The following ARHGAP10 variants were observed in gnomAD, a reference collection of about 807,000 sequenced individuals.
ARHGAP10 encodes the protein rho GTPase-activating protein 10.
ARHGAP10 carries 87 observed loss-of-function variants against 108.6 expected under a neutral mutation model. The observed-to-expected ratio is 0.80, with a 90% confidence interval of 0.67 to 0.96. The LOEUF is 0.96. Ranked by LOEUF, ARHGAP10 falls within the 40% of genes least tolerant of loss-of-function variation. The pLI, the probability that ARHGAP10 is intolerant of heterozygous loss-of-function variation, is 0.00. For missense variants in ARHGAP10, 939 were observed against 954.5 expected (o/e 0.98, Z 0.21); for synonymous variants, 347 against 341.1 (o/e 1.02, Z -0.19).
intron 17 of ARHGAP10, among the ~76,000 whole-genome samples, chr4:147,966,081 T>C (rs1488770165): frequency 1.3e-5 from 2 of 152,244 alleles, no homozygotes; most frequent in African/African-American, 4.8e-5. Flanking sequence ...AGAGTGATTG[T>C]GGGTGCTCTG....
chr4:147,776,933 G>A (rs1446578739), intron 1 of ARHGAP10, among the ~76,000 whole-genome samples: 3 of 152,190 alleles, frequency 2.0e-5, no homozygotes, highest in Non-Finnish European at 2.9e-5. Flanking sequence ...TCTGTCCTAC[G>A]AGAGAGCGTG....
At chr4:147,880,372 A>G (rs58929565) in intron 9 of ARHGAP10, among the ~76,000 whole-genome samples, 4,062 of 152,336 alleles carry the variant, frequency 0.027, 187 homozygotes, top group African/African-American at 0.093. Context: ...ACATTTATAT[A>G]ATAATGAAAC....
At chr4:147,828,641 A>G (rs983488795) in intron 3 of ARHGAP10, among the ~76,000 whole-genome samples, 1 of 152,188 alleles carries the variant, frequency 6.6e-6, no homozygotes, top group Admixed American at 6.5e-5. Flanking sequence ...AGCCTTAGCT[A>G]TGTCTGGTTT....
intron 1 of ARHGAP10, among the ~76,000 whole-genome samples, chr4:147,774,374 G>C (rs72953502): frequency 0.024 from 3,683 of 152,272 alleles, 153 homozygotes; most frequent in African/African-American, 0.084. Flanking sequence ...ATTTCTGCAG[G>C]TATCCAATGT....
intron 10 of ARHGAP10, among the ~76,000 whole-genome samples, chr4:147,890,022 A>T (rs181577042): frequency 4.5e-4 from 68 of 152,340 alleles, no homozygotes; most frequent in African/African-American, 1.5e-3. Flanking sequence ...GACAGCATAT[A>T]GCACTGTTCC....
chr4:147,742,476 C>CTTTTTTTTTTTTTT (rs11420720), intron 1 of ARHGAP10, among the ~76,000 whole-genome samples: 3 of 86,494 alleles, frequency 3.5e-5, no homozygotes, highest in East Asian at 3.9e-4. Context: ...TCTGTGAACA[C>CTTTTTTTTTTTTTT]TTTTTTTTTT....
chr4:147,959,960 T>TC, intron 16 of ARHGAP10, among the ~76,000 whole-genome samples: 1 of 152,304 alleles, frequency 6.6e-6, no homozygotes, highest in East Asian at 1.9e-4. Context: ...TGCAAAGTTT[T>TC]CCAGACTTTT....
At chr4:148,013,055 A>G (rs989454309) in intron 18 of ARHGAP10, among the ~76,000 whole-genome samples, 3 of 152,114 alleles carry the variant, frequency 2.0e-5, no homozygotes, top group East Asian at 1.9e-4. Flanking sequence ...ATGTTTATCA[A>G]TTAAAGCAAA....
At chr4:147,763,489 T>C (rs1242942966) in intron 1 of ARHGAP10, among the ~76,000 whole-genome samples, 1 of 151,924 alleles carries the variant, frequency 6.6e-6, no homozygotes, top group Non-Finnish European at 1.5e-5. Flanking sequence ...TTTTTGTGTT[T>C]TTAGTAGAGA....
At chr4:147,811,079 G>T (rs1731997497) in intron 1 of ARHGAP10, among the ~76,000 whole-genome samples, 1 of 152,142 alleles carries the variant, frequency 6.6e-6, no homozygotes, top group African/African-American at 2.4e-5. Flanking sequence ...GTGGCCCTTA[G>T]ATCAAGCCTG....
At chr4:148,044,018 A>G (rs1428602595) in intron 19 of ARHGAP10, among the ~76,000 whole-genome samples, 2 of 151,982 alleles carry the variant, frequency 1.3e-5, no homozygotes, top group Non-Finnish European at 2.9e-5. Flanking sequence ...AAGGAACTCT[A>G]TACACTTGGA....
Position 147,733,455 on chromosome 4 carries a change from G to A in ARHGAP10, c.154+1000G>A, listed in dbSNP as rs189942485. ...AAAGACCTGTCCATACAGCAGACAG[G>A]GACTTGGGCAGTATCCAGCCTTGAG... On this transcript the variant is annotated intron_variant, in intron 1 of 22. Coordinates refer to ENST00000336498, the MANE Select transcript of ARHGAP10 (RefSeq NM_024605.4). Among the ~76,000 whole-genome samples, 255 of 152,198 alleles carry A rather than the reference G, an allele frequency of 1.7e-3. 1 individual carries two copies. The highest frequency in any genetic ancestry group is 3.1e-3 in the Non-Finnish European group (209 of 68,010).
intron 19 of ARHGAP10, among the ~76,000 whole-genome samples, chr4:148,037,556 C>A (rs1023160794): frequency 1.3e-5 from 2 of 152,040 alleles, no homozygotes; most frequent in Admixed American, 1.3e-4. Context: ...GGATGTTGGC[C>A]GGGCACGGTG....
chr4:147,755,832 A>ACACAGT lies in ARHGAP10; in HGVS notation c.154+23377_154+23378insCACAGT, dbSNP rs1729346371. On this transcript the variant is annotated intron_variant, in intron 1 of 22. Coordinates refer to ENST00000336498, the MANE Select transcript of ARHGAP10 (RefSeq NM_024605.4). ...GTGTGTGTGTAGTGCATTATGAGTC[A>ACACAGT]GCCTCTGTGGCTGTTTGCTGTGTAT... Among the ~76,000 whole-genome samples the ACACAGT allele has an allele frequency of 3.3e-5, 5 of 152,150 alleles. No homozygotes were observed. In the East Asian group the frequency reaches 9.7e-4, roughly 29 times the overall value.
chr4:147,759,507 G>C (rs1376504056), intron 1 of ARHGAP10, among the ~76,000 whole-genome samples: 1 of 151,838 alleles, frequency 6.6e-6, no homozygotes, highest in Non-Finnish European at 1.5e-5. Context: ...GCAGGAGTTC[G>C]AGGCTGTAGT....
rs1298836299 is a variant in ARHGAP10 at position 147,959,809 on chromosome 4, A to G, written c.1450+4435A>G. ...AATTCCACTATTTTAAGAAATGAAG[A>G]ATGTAATTCATAGAGTGTGGGAAAC... On this transcript the variant is annotated intron_variant, in intron 16 of 22. Coordinates refer to ENST00000336498, the MANE Select transcript of ARHGAP10 (RefSeq NM_024605.4). Among the ~76,000 whole-genome samples, 3 of 152,208 alleles carry G rather than the reference A, an allele frequency of 2.0e-5. No individual in the cohort carries two copies. In the East Asian group the frequency reaches 5.8e-4, roughly 29 times the overall value.
intron 1 of ARHGAP10, among the ~76,000 whole-genome samples, chr4:147,818,511 A>C (rs1458964218): frequency 6.7e-6 from 1 of 148,594 alleles, no homozygotes; most frequent in Non-Finnish European, 1.5e-5. Context: ...GTTTGCGGTG[A>C]GCTGAGATCT....
At chr4:147,936,884 C>T (rs951267090) in intron 13 of ARHGAP10, among the ~76,000 whole-genome samples, 1 of 152,214 alleles carries the variant, frequency 6.6e-6, no homozygotes, top group African/African-American at 2.4e-5. Context: ...GGCCTCACAG[C>T]AGGCGGTGAG....
At chr4:148,044,165 A>G (rs1027921277) in intron 19 of ARHGAP10, among the ~76,000 whole-genome samples, 2 of 152,164 alleles carry the variant, frequency 1.3e-5, no homozygotes, top group Non-Finnish European at 2.9e-5. Flanking sequence ...AATGTGATTT[A>G]ATATGTTGAA....
Sources: gnomAD v4.1 joint callset for allele counts (sites outside exome capture counted in the v4.1 genomes callset) on GRCh38, gnomAD v4.1.1 for gene constraint, MANE v1.5 for transcripts, NCBI Gene and HGNC (gene_info 2026-07-23, HGNC 2026-07-21) for gene names.